Variants in THOC5 observed in about 807,000 individuals in gnomAD.
The protein encoded by THOC5 is THO complex subunit 5.
A neutral mutation model predicts 92.9 loss-of-function variants in THOC5; 43 were observed. The observed-to-expected ratio is 0.46, with a 90% CI of 0.36 to 0.60. The LOEUF is 0.60. THOC5 is among the 20% of genes least tolerant of loss of function. The pLI, the probability that THOC5 is intolerant of heterozygous loss-of-function variation, is 0.00. For missense variants in THOC5, 659 were observed against 849.4 expected, an observed-to-expected ratio of 0.78 and a Z score of 2.79; for synonymous variants, 296 against 320.1, an observed-to-expected ratio of 0.92 and a Z score of 0.80.
At chr22:29,516,640 G>A (rs918196112) in intron 17 of THOC5, among the ~76,000 whole-genome samples, 1 of 152,228 alleles carries the variant, frequency 6.6e-6, no homozygotes. Flanking sequence ...AGGCCCTGTG[G>A]CCCTGCCCTT....
At chr22:29,519,375 G>A (rs2063394731) in intron 14 of THOC5, among the ~76,000 whole-genome samples, 1 of 152,232 alleles carries the variant, frequency 6.6e-6, no homozygotes, top group Non-Finnish European at 1.5e-5. Flanking sequence ...TAAGGGGCCA[G>A]GCCCCCTGGA....
intron 8 of THOC5, chr22:29,531,255 G>A (rs1386891541): frequency 1.3e-5 from 13 of 975,396 alleles, no homozygotes; most frequent in Admixed American, 6.2e-5. Flanking sequence ...TGATGAGGTG[G>A]GGTGGGGTGG....
chr22:29,516,507 C>A (rs1261881850), intron 17 of THOC5, among the ~76,000 whole-genome samples: 1 of 152,124 alleles, frequency 6.6e-6, no homozygotes, highest in East Asian at 1.9e-4. Flanking sequence ...GCACAACGGC[C>A]CAAACACAAC....
At chr22:29,512,893 T>C (rs1012656040) in intron 17 of THOC5, among the ~76,000 whole-genome samples, 1 of 152,206 alleles carries the variant, frequency 6.6e-6, no homozygotes, top group Admixed American at 6.5e-5. Context: ...TGAAAGCCTT[T>C]GCCTTTTTCA....
At chr22:29,538,552 CTTTGGGAGGCCA>C (rs2063807554) in intron 6 of THOC5, among the ~76,000 whole-genome samples, 2 of 151,958 alleles carry the variant, frequency 1.3e-5, no homozygotes, top group Admixed American at 1.3e-4. Flanking sequence ...AATCCCAGCA[CTTTGGGAGGCCA>C]AGGTGGGAGG....
intron 12 of THOC5, among the ~76,000 whole-genome samples, chr22:29,523,221 GAC>G (rs1569215311): frequency 2.0e-5 from 3 of 151,722 alleles, no homozygotes; most frequent in African/African-American, 4.8e-5. Context: ...CGGCCTGGGC[GAC>G]ACACAGAGAC....
Position 29,512,015 on chromosome 22 carries a change from T to C in THOC5, c.1797+6A>G, listed in dbSNP as rs2063233502. On this transcript the variant is annotated splice_donor_region_variant and intron_variant, in intron 18 of 19. Coordinates refer to ENST00000490103, the MANE Select transcript of THOC5 (RefSeq NM_003678.5). ...GCTCCTCCTGTCATCCCCAGCTGGG[T>C]CTTACCCGAATGTTGTCATCGTTGC... 1.2e-6 allele frequency: 2 copies of C among 1,613,186 alleles called. No individual in the cohort carries two copies. The highest frequency in any genetic ancestry group is 1.7e-6 in the Non-Finnish European group (2 of 1,179,362).
chr22:29,534,101 A>G (rs560438501), intron 7 of THOC5, among the ~76,000 whole-genome samples: 5 of 152,336 alleles, frequency 3.3e-5, no homozygotes, highest in African/African-American at 9.6e-5. Context: ...CTAAACATCA[A>G]TGAAAACAAA....
At position 29,507,212 on chromosome 22, in the gene THOC5, C is replaced by G. The variant is rs1477398907; in HGVS notation, c.*1245G>C. 2.0e-5 allele frequency: 3 copies of G among 152,218 alleles called. No individual in the cohort carries two copies. Among genetic ancestry groups the G allele is most frequent in the Non-Finnish European group, 4.4e-5 (3 of 68,094 alleles). The allele number at this position is 152,218 out of a possible 1,614,324, so 9.4% of individuals were successfully genotyped here. ...CAGTGGTGCCTGCCTCCCCCTCCAC[C>G]TCCCCCACTTTTTCTGCCTCTGCCA... On this transcript the variant is annotated 3_prime_UTR_variant, in exon 20 of 20. Transcript: ENST00000490103.
chr22:29,514,303 A>C, intron 17 of THOC5, among the ~76,000 whole-genome samples: 1 of 151,460 alleles, frequency 6.6e-6, no homozygotes, highest in Non-Finnish European at 1.5e-5. Context: ...TCTGTTGTAG[A>C]ATGACTGAAG....
intron 8 of THOC5, chr22:29,531,560 G>C (rs2063655739): frequency 8.5e-7 from 1 of 1,171,744 alleles, no homozygotes; most frequent in Non-Finnish European, 1.1e-6. Flanking sequence ...GCCCAGACAG[G>C]CTGCCTGGGT....
At chr22:29,523,102 C>T (rs1321374698) in intron 12 of THOC5, among the ~76,000 whole-genome samples, 2 of 151,680 alleles carry the variant, frequency 1.3e-5, no homozygotes, top group African/African-American at 2.4e-5. Context: ...ATCAGCCAGG[C>T]GTGGTGGCGC....
chr22:29,520,901 G>A, intron 13 of THOC5, 97 bp downstream of exon 13: 1 of 863,046 alleles, frequency 1.2e-6, no homozygotes, highest in Non-Finnish European at 1.9e-6. Flanking sequence ...CTATCCTCTG[G>A]GTCACCTCTG....
intron 2 of THOC5, 53 bp downstream of exon 2, chr22:29,548,999 C>T: frequency 6.3e-7 from 1 of 1,577,958 alleles, no homozygotes; most frequent in Non-Finnish European, 8.7e-7. Context: ...CAGCCAGGTG[C>T]TTGGCCATGA....
At chr22:29,526,038 G>A in intron 11 of THOC5, 92 bp from the exon 12 acceptor site, 1 of 813,874 alleles carries the variant, frequency 1.2e-6, no homozygotes, top group Middle Eastern at 2.6e-4. Flanking sequence ...GGGGGGTCAA[G>A]TGTTGAAAAA....
At chr22:29,521,154 A>G in intron 12 of THOC5, 55 bp from the exon 13 acceptor site, 2 of 1,358,714 alleles carry the variant, frequency 1.5e-6, no homozygotes, top group Admixed American at 1.7e-5. Context: ...TTTCTTCAAC[A>G]TAGGCTTGGG....
In THOC5 at chr22:29,543,347, CAAAAAA is replaced by C. The variant is rs59948387; in HGVS notation, c.354+76_354+81del. On this transcript the variant is annotated intron_variant, in intron 4 of 19. Coordinates refer to ENST00000490103, the MANE Select transcript of THOC5 (RefSeq NM_003678.5). The stretch of plus-strand genomic sequence containing the variant: ...TGGGGGACAGAACGAGACTCTGTCT[CAAAAAA>C]AAAAAAAAAAAAAAAAAAAGAAGGG... 1,567 of 464,956 alleles carry C rather than the reference CAAAAAA, an allele frequency of 3.4e-3. 3 individuals carry two copies. Among genetic ancestry groups the C allele is most frequent in the East Asian group, 0.013 (323 of 24,994 alleles). The allele number at this position is 464,956 out of a possible 1,614,324, so 28.8% of individuals were successfully genotyped here. A position where few individuals can be genotyped will look rare whatever the true frequency, so the allele number is the denominator to read the frequency against.
chr22:29,531,111 C>G, intron 8 of THOC5: 1 of 1,185,868 alleles, frequency 8.4e-7, no homozygotes, highest in East Asian at 8.0e-5. Context: ...TTCATATGAG[C>G]TGATGATGGA....
Position 29,507,775 on chromosome 22 carries a change from GTAAC to G in THOC5, c.*678_*681del, listed in dbSNP as rs1397088583. ...TATGTACTGACTATGTTAGCAGTAA[GTAAC>G]TACTAATAGCATACTACTGGTCAAC... On this transcript the variant is annotated 3_prime_UTR_variant, in exon 20 of 20. Transcript: ENST00000490103. The G allele has an allele frequency of 6.6e-6, 1 of 152,380 alleles. No individual in the cohort carries two copies. Among genetic ancestry groups the G allele is most frequent in the East Asian group, 1.9e-4 (1 of 5,206 alleles). The allele number at this position is 152,380 out of a possible 1,614,324, so 9.4% of individuals were successfully genotyped here.
Sources: gnomAD v4.1 joint callset for allele counts (sites outside exome capture counted in the v4.1 genomes callset) on GRCh38, gnomAD v4.1.1 for gene constraint, MANE v1.5 for transcripts, NCBI Gene and HGNC (gene_info 2026-07-23, HGNC 2026-07-21) for gene names.